The following ACCSL variants were observed in gnomAD, a reference collection of about 807,000 sequenced individuals.
The protein encoded by ACCSL is probable inactive 1-aminocyclopropane-1-carboxylate synthase-like protein 2.
Under a neutral mutation model 61.7 loss-of-function variants are expected in ACCSL, and 55 were observed. The observed-to-expected ratio is 0.89, with a 90% CI of 0.72 to 1.12. ACCSL has a LOEUF of 1.12. Among genes scored for constraint, ACCSL ranks in the 50% most tolerant of loss-of-function variants. The pLI is 0.00. For synonymous variants in ACCSL, 258 were observed against 264.3 expected (o/e 0.98, Z 0.23); for missense variants, 632 against 698.0 (o/e 0.91, Z 1.07).
chr11:44,048,534 C>T lies in ACCSL; in HGVS notation c.498C>T (p.Asn166=). 6.9e-7 allele frequency: 1 copy of T among 1,451,548 alleles called. No homozygotes were observed. The highest frequency in any genetic ancestry group is 9.1e-7 in the Non-Finnish European group (1 of 1,099,606). The allele number at this position is 1,451,548 out of a possible 1,614,324, so 89.9% of individuals were successfully genotyped here. The change falls in exon 1 of 14, where the codon AAC becomes AAT. Residue 166 remains asparagine (N), a synonymous_variant. Transcript: ENST00000378832. ...YQKDKYHKDK[N]TLGFINLGTS... ...AAGATAAATATCATAAGGACAAGAA[C>T]ACCTTGGTGAGAATTTGGGGTGGGG... is the stretch of plus-strand genomic sequence containing the variant.
chr11:44,003,640 C>T, the ACCSL span, among the ~76,000 whole-genome samples: 3 of 115,594 alleles, frequency 2.6e-5, no homozygotes, highest in South Asian at 4.9e-4. Context: ...GAGACTTTGT[C>T]TCAAAAAAAA....
At chr11:44,024,617 T>A in the ACCSL span, among the ~76,000 whole-genome samples, 23 of 152,196 alleles carry the variant, frequency 1.5e-4, no homozygotes, top group Admixed American at 8.5e-4. Flanking sequence ...ATATGGTCTA[T>A]CCTGGAGAAT....
chr11:43,941,621 G>C, the ACCSL span, among the ~76,000 whole-genome samples: 1 of 152,340 alleles, frequency 6.6e-6, no homozygotes, highest in African/African-American at 2.4e-5. Context: ...GAACACTGGT[G>C]AGATTTAGCT....
the ACCSL span, among the ~76,000 whole-genome samples, chr11:43,925,782 T>A: frequency 6.6e-6 from 1 of 152,098 alleles, no homozygotes; most frequent in Admixed American, 6.6e-5. Flanking sequence ...CTGAGTCACC[T>A]CAGACCAGTC....
At chr11:43,945,722 C>T in the ACCSL span, 3 of 151,870 alleles carry the variant, frequency 2.0e-5, no homozygotes, top group African/African-American at 7.3e-5. Context: ...GTGGTGCACA[C>T]CTGTGTTCCC....
At chr11:44,054,303 G>C (rs1008247284) in intron 8 of ACCSL, among the ~76,000 whole-genome samples, 1 of 152,162 alleles carries the variant, frequency 6.6e-6, no homozygotes, top group Non-Finnish European at 1.5e-5. Flanking sequence ...ACCAATGAAT[G>C]GTGCAGTGTG....
the ACCSL span, among the ~76,000 whole-genome samples, chr11:43,990,029 C>G: frequency 6.6e-6 from 1 of 152,230 alleles, no homozygotes; most frequent in African/African-American, 2.4e-5. Context: ...ATGATTCCTC[C>G]CTCTCCCTTA....
At chr11:43,975,108 T>C in the ACCSL span, among the ~76,000 whole-genome samples, 3 of 152,100 alleles carry the variant, frequency 2.0e-5, no homozygotes, top group Non-Finnish European at 4.4e-5. Context: ...TTGAGGATAG[T>C]GTTAGTGACA....
At chr11:44,030,924 T>A in the ACCSL span, among the ~76,000 whole-genome samples, 3 of 152,094 alleles carry the variant, frequency 2.0e-5, no homozygotes, top group Non-Finnish European at 4.4e-5. Context: ...GGGTCCTAGT[T>A]TTATACACGG....
chr11:43,960,985 T>A, the ACCSL span, among the ~76,000 whole-genome samples: 1 of 151,812 alleles, frequency 6.6e-6, no homozygotes, highest in East Asian at 1.9e-4. Context: ...CACTTGGTGA[T>A]TTTTTTTGTA....
chr11:44,019,056 T>G, the ACCSL span, among the ~76,000 whole-genome samples: 1 of 152,204 alleles, frequency 6.6e-6, no homozygotes, highest in African/African-American at 2.4e-5. Flanking sequence ...TAATACAATG[T>G]GTGGTCTTTT....
At chr11:43,991,651 G>A in the ACCSL span, among the ~76,000 whole-genome samples, 8 of 152,128 alleles carry the variant, frequency 5.3e-5, no homozygotes, top group South Asian at 2.1e-4. Flanking sequence ...AAAATTAGCC[G>A]GGCCTGGTGG....
At chr11:43,945,524 CCCTCTGCATAG>C in the ACCSL span, 1 of 151,932 alleles carries the variant, frequency 6.6e-6, no homozygotes, top group Non-Finnish European at 1.5e-5. Context: ...TGAGATCCTC[CCCTCTGCATAG>C]CCTTCTCTCG....
chr11:44,034,834 C>G, the ACCSL span, among the ~76,000 whole-genome samples: 1 of 152,196 alleles, frequency 6.6e-6, no homozygotes, highest in Non-Finnish European at 1.5e-5. Context: ...TCACAGAGTC[C>G]CAGGCACCCT....
At chr11:43,947,749 GAGAGAGAGAGAGAGAGGGAGAGA>G in the ACCSL span, among the ~76,000 whole-genome samples, 5 of 27,790 alleles carry the variant, frequency 1.8e-4, no homozygotes, top group Non-Finnish European at 3.7e-4. Context: ...AAGAGAGAGA[GAGAGAGAGAGAGAGAGGGAGAGA>G]GAGAGACCCA....
chr11:44,055,509 TCTA>T (rs1414715460), intron 9 of ACCSL, among the ~76,000 whole-genome samples: 1 of 152,248 alleles, frequency 6.6e-6, no homozygotes, highest in Non-Finnish European at 1.5e-5. Context: ...AGGTAGAAAG[TCTA>T]CTGTCAAAGG....
chr11:43,975,131 T>G, the ACCSL span, among the ~76,000 whole-genome samples: 1 of 152,132 alleles, frequency 6.6e-6, no homozygotes, highest in African/African-American at 2.4e-5. Flanking sequence ...CTAAATGTTC[T>G]GAAAAAACTG....
the ACCSL span, among the ~76,000 whole-genome samples, chr11:43,989,571 T>C: frequency 6.6e-6 from 1 of 152,162 alleles, no homozygotes; most frequent in Non-Finnish European, 1.5e-5. Context: ...TCCCAGCCCT[T>C]CCCTTCCTCG....
the ACCSL span, among the ~76,000 whole-genome samples, chr11:44,008,769 C>T: frequency 1.3e-5 from 2 of 152,252 alleles, no homozygotes; most frequent in Admixed American, 1.3e-4. Context: ...TACCAAGGGC[C>T]AGGCACTGCC....
Sources: allele counts gnomAD v4.1 joint callset (sites outside exome capture counted in the v4.1 genomes callset), GRCh38; gene constraint gnomAD v4.1.1; transcripts MANE v1.5; gene names NCBI Gene and HGNC (gene_info 2026-07-23, HGNC 2026-07-21).